The following TRAPPC8 variants were observed in gnomAD, a reference collection of about 807,000 sequenced individuals.
TRAPPC8 encodes the protein general sporulation gene 1 homolog.
TRAPPC8 carries 54 observed loss-of-function variants against 174.3 expected under a neutral mutation model. The ratio of observed to expected loss-of-function variants is 0.31; its 90% CI spans 0.25 to 0.39. TRAPPC8 has a LOEUF of 0.39. Among genes scored for constraint, TRAPPC8 ranks in the 10% least tolerant of loss-of-function variants. The pLI is 1.00. For synonymous variants in TRAPPC8, 630 were observed against 579.9 expected (o/e 1.09, Z -1.24); for missense variants, 1,531 against 1,699.1 (o/e 0.90, Z 1.74).
chr18:31,928,226 C>T (rs1429683284), intron 2 of TRAPPC8, among the ~76,000 whole-genome samples: 1 of 151,236 alleles, frequency 6.6e-6, no homozygotes, highest in African/African-American at 2.4e-5. Flanking sequence ...AGGCCAGGCA[C>T]AGTGGCTCAC....
At chr18:31,895,722 G>A (rs1435153656) in intron 11 of TRAPPC8, 1 of 152,128 alleles carries the variant, frequency 6.6e-6, no homozygotes. Flanking sequence ...TTAGGTTGAA[G>A]AACACGGCAA....
chr18:31,860,649 T>C (rs983740947), intron 19 of TRAPPC8, among the ~76,000 whole-genome samples: 2 of 152,196 alleles, frequency 1.3e-5, no homozygotes, highest in African/African-American at 4.8e-5. Flanking sequence ...TTCTATGAAT[T>C]TTTTCACCAG....
chr18:31,831,626 G>A (rs922100678), intron 28 of TRAPPC8, among the ~76,000 whole-genome samples: 49 of 152,158 alleles, frequency 3.2e-4, no homozygotes, highest in Non-Finnish European at 6.0e-4. Context: ...TATTGAAACT[G>A]TTTATAATAT....
intron 26 of TRAPPC8, among the ~76,000 whole-genome samples, chr18:31,840,802 G>C (rs2033049838): frequency 6.6e-6 from 1 of 152,000 alleles, no homozygotes; most frequent in African/African-American, 2.4e-5. Context: ...AAAAGCAAGA[G>C]CTAAATTTGC....
At chr18:31,936,573 T>A (rs1199156560) in intron 1 of TRAPPC8, among the ~76,000 whole-genome samples, 2 of 152,130 alleles carry the variant, frequency 1.3e-5, no homozygotes, top group African/African-American at 4.8e-5. Context: ...TATATAAACA[T>A]GGTAGTTAAG....
intron 11 of TRAPPC8, among the ~76,000 whole-genome samples, chr18:31,894,080 G>T (rs2145382289): frequency 1.3e-5 from 2 of 152,302 alleles, no homozygotes; most frequent in East Asian, 3.9e-4. Context: ...AGGCAGATGT[G>T]GAAGTCCATG....
At chr18:31,870,615 T>C (rs2034807651) in intron 15 of TRAPPC8, 113 bp from the exon 16 acceptor site, 8 of 1,175,036 alleles carry the variant, frequency 6.8e-6, no homozygotes, top group Non-Finnish European at 8.5e-6. Flanking sequence ...GCCTAGACTG[T>C]CCTTTATTAC....
At chr18:31,870,229 A>G (rs1011362187) in intron 16 of TRAPPC8, 143 bp downstream of exon 16, 1 of 629,518 alleles carries the variant, frequency 1.6e-6, no homozygotes, top group Non-Finnish European at 2.4e-6. Context: ...TTTCAAAAAT[A>G]AGTACATATC....
chr18:31,870,624 A>C, intron 15 of TRAPPC8, 122 bp from the exon 16 acceptor site: 1 of 1,091,742 alleles, frequency 9.2e-7, no homozygotes, highest in Non-Finnish European at 1.3e-6. Flanking sequence ...GTCCTTTATT[A>C]CCTTATAAAT....
intron 9 of TRAPPC8, among the ~76,000 whole-genome samples, chr18:31,903,368 G>A (rs990747046): frequency 6.6e-6 from 1 of 152,076 alleles, no homozygotes; most frequent in Non-Finnish European, 1.5e-5. Flanking sequence ...AATATCTGAA[G>A]TCTCCCATTC....
chr18:31,911,233 T>G lies in TRAPPC8; in HGVS notation c.772-1473A>C, dbSNP rs567171200. ...TATTTTCCATTTACTTAAGAATTTC[T>G]AGGCCAGGCGCTGTGGCTTACGCCT... is the stretch of plus-strand genomic sequence containing the variant. On this transcript the variant is annotated intron_variant, in intron 5 of 28. Transcript: ENST00000283351. 1.1e-3 allele frequency among the ~76,000 whole-genome samples: 163 copies of G among 152,336 alleles called. 1 individual carries two copies. Among genetic ancestry groups the G allele is most frequent in the African/African-American group, 3.2e-3 (135 of 41,584 alleles).
At chr18:31,932,896 C>T (rs1194768782) in intron 1 of TRAPPC8, among the ~76,000 whole-genome samples, 2 of 149,346 alleles carry the variant, frequency 1.3e-5, no homozygotes, top group East Asian at 4.0e-4. Flanking sequence ...GCAGGAGAAT[C>T]ACTTGAATGC....
At chr18:31,933,554 G>C (rs1009919644) in intron 1 of TRAPPC8, among the ~76,000 whole-genome samples, 1 of 152,130 alleles carries the variant, frequency 6.6e-6, no homozygotes, top group African/African-American at 2.4e-5. Flanking sequence ...AATACATAAT[G>C]AAGGCGGTAT....
chr18:31,911,551 C>T (rs910535302), intron 5 of TRAPPC8, among the ~76,000 whole-genome samples: 1 of 151,446 alleles, frequency 6.6e-6, no homozygotes, highest in African/African-American at 2.4e-5. Context: ...CCAGTCTGGA[C>T]AACATGGTGA....
Position 31,909,637 on chromosome 18 carries a change from AAGAGAAACTT to A in TRAPPC8, c.865+20_865+29del, listed in dbSNP as rs780695610. The A allele has an allele frequency of 6.3e-7, 1 of 1,580,676 alleles. No homozygotes were observed. On this transcript the variant is annotated intron_variant, in intron 6 of 28. Coordinates refer to ENST00000283351, the MANE Select transcript of TRAPPC8 (RefSeq NM_014939.5). ...GACAACAGTGCATATTTTCAATCAAAAGAGAAACTTAGAGAAAATATATCAAGACCTTTGA... is the reference window on the plus strand; with the variant it reads ...GACAACAGTGCATATTTTCAATCAAAAGAGAAAATATATCAAGACCTTTGA...
intron 20 of TRAPPC8, among the ~76,000 whole-genome samples, chr18:31,856,386 A>G (rs988148994): frequency 6.6e-5 from 10 of 152,250 alleles, no homozygotes; most frequent in African/African-American, 2.4e-4. Flanking sequence ...TCTCCCCCCA[A>G]AAATCAATCA....
At chr18:31,936,901 TTAAAA>T (rs1318529546) in intron 1 of TRAPPC8, among the ~76,000 whole-genome samples, 6 of 72,730 alleles carry the variant, frequency 8.2e-5, no homozygotes, top group African/African-American at 3.6e-4. Context: ...GACTCCGTCT[TTAAAA>T]AAAAAAAAAA....
rs1163604009 is a variant in TRAPPC8, at chr18:31,845,958, C to T, written c.3837+758G>A. ...ATTTTAGGAAAAATAAGAAAGCATA[C>T]TCAATGCTATCAGCAGCTGCTACAC... On this transcript the variant is annotated intron_variant, in intron 26 of 28. Transcript: ENST00000283351. Among the ~76,000 whole-genome samples, 5 of 152,240 alleles carry T rather than the reference C, an allele frequency of 3.3e-5. No homozygotes were observed. The East Asian group carries it at 5.8e-4, about 18-fold the overall frequency.
chr18:31,849,015 G>T (rs2033560611), intron 25 of TRAPPC8, among the ~76,000 whole-genome samples: 1 of 151,870 alleles, frequency 6.6e-6, no homozygotes, highest in Non-Finnish European at 1.5e-5. Flanking sequence ...CCATCAATTA[G>T]ATAATTAAGA....
Sources: gnomAD v4.1 joint callset for allele counts (sites outside exome capture counted in the v4.1 genomes callset) on GRCh38, gnomAD v4.1.1 for gene constraint, MANE v1.5 for transcripts, NCBI Gene and HGNC (gene_info 2026-07-23, HGNC 2026-07-21) for gene names.